The following PLEKHG1 variants were observed in gnomAD, a reference collection of about 807,000 sequenced individuals.
PLEKHG1 encodes the protein pleckstrin homology and RhoGEF domain containing G1.
Under a neutral mutation model 100.8 loss-of-function variants are expected in PLEKHG1, and 44 were observed. That is an observed-to-expected ratio of 0.44 (90% CI 0.34 to 0.56). The LOEUF (loss-of-function observed/expected upper bound fraction) is 0.56. Among genes scored for constraint, PLEKHG1 ranks in the 20% least tolerant of loss-of-function variants. The pLI, the probability that PLEKHG1 is intolerant of heterozygous loss-of-function variation, is 0.01. For missense variants in PLEKHG1, 1,545 were observed against 1,720.9 expected (o/e 0.90, Z 1.81); for synonymous variants, 640 against 662.5 (o/e 0.97, Z 0.52).
chr6:150,627,709 T>G (rs1300575267), intron 1 of PLEKHG1, among the ~76,000 whole-genome samples: 1 of 152,162 alleles, frequency 6.6e-6, no homozygotes, highest in African/African-American at 2.4e-5. Flanking sequence ...GGATCACAAG[T>G]ATAATAAAAC....
chr6:150,835,556 C>T (rs1777180932), intron 15 of PLEKHG1, among the ~76,000 whole-genome samples: 1 of 152,144 alleles, frequency 6.6e-6, no homozygotes, highest in Non-Finnish European at 1.5e-5. Context: ...TTGCGATTGT[C>T]ATGTAGTCAT....
rs59262689 is a variant in PLEKHG1, at chr6:150,730,901, C to CAAAA, written c.-98-2673_-98-2670dup. 4.2e-3 allele frequency among the ~76,000 whole-genome samples: 582 copies of CAAAA among 138,334 alleles called. 8 individuals are homozygous for CAAAA. The highest frequency in any genetic ancestry group is 0.014 in the African/African-American group (544 of 37,882). 90.8% of individuals were successfully genotyped at this position (138,334 alleles called of 152,430 possible). ...TGGGTGACAAGAGCAAACTCTGTCT[C>CAAAA]AAAAAAAAAAAAAGAACATATTCAA... On this transcript the variant is annotated intron_variant, in intron 1 of 15. Transcript: ENST00000358517.
intron 2 of PLEKHG1, among the ~76,000 whole-genome samples, chr6:150,648,092 A>G (rs1381444305): frequency 1.3e-5 from 2 of 152,130 alleles, no homozygotes; most frequent in South Asian, 2.1e-4. Context: ...TTTTCTGAAT[A>G]TGATCTATTT....
At chr6:150,804,047 A>G (rs1374096744) in intron 6 of PLEKHG1, among the ~76,000 whole-genome samples, 1 of 145,220 alleles carries the variant, frequency 6.9e-6, no homozygotes, top group Non-Finnish European at 1.5e-5. Context: ...ATCCTATTCC[A>G]CTTTTATCTT....
chr6:150,669,524 G>A (rs760035626), intron 3 of PLEKHG1, among the ~76,000 whole-genome samples: 8 of 151,610 alleles, frequency 5.3e-5, no homozygotes, highest in Non-Finnish European at 1.2e-4. Flanking sequence ...TACCTTACTC[G>A]ATGTCAAAGT....
At chr6:150,674,064 T>C (rs1157984330) in intron 3 of PLEKHG1, among the ~76,000 whole-genome samples, 1 of 152,116 alleles carries the variant, frequency 6.6e-6, no homozygotes, top group Non-Finnish European at 1.5e-5. Context: ...GAGGAATTTA[T>C]TTAAGGAAAA....
At chr6:150,740,577 A>T (rs1196696735) in intron 2 of PLEKHG1, among the ~76,000 whole-genome samples, 1 of 152,240 alleles carries the variant, frequency 6.6e-6, no homozygotes, top group Non-Finnish European at 1.5e-5. Context: ...TTTTTTAAAT[A>T]CCGAGGGAGA....
Position 150,831,614 on chromosome 6 carries a change from G to C in PLEKHG1, c.2503G>C (p.Val835Leu), listed in dbSNP as rs560632162. 2.5e-6 allele frequency: 4 copies of C among 1,614,064 alleles called. No homozygotes were observed. The highest frequency in any genetic ancestry group is 3.4e-6 in the Non-Finnish European group (4 of 1,179,998). The change falls in exon 15 of 16, where the codon GTA (valine) becomes CTA (leucine). Residue 835 changes from valine to leucine, a missense_variant. Physicochemically the swap from Val to Leu is conservative, Grantham distance 32. Transcript: ENST00000358517. This position sits in a 1 kb window ranked among gnomAD's most constrained non-coding sequence, Gnocchi z 4.1. Reference sequence around the variant, plus strand: ...TGTATCTGATAAACTGTCCGAAGAAGTAGATGAAATCTGGAATGACCTGGA... The same window carrying C: ...TGTATCTGATAAACTGTCCGAAGAACTAGATGAAATCTGGAATGACCTGGA...
chr6:150,631,579 C>G (rs1417922480), intron 1 of PLEKHG1, among the ~76,000 whole-genome samples: 1 of 152,238 alleles, frequency 6.6e-6, no homozygotes, highest in African/African-American at 2.4e-5. Context: ...CTGAACAACA[C>G]TGTGCAGTTC....
At chr6:150,839,839 G>C (rs147602424) in exon 16 of PLEKHG1, 25 of 1,599,428 alleles carry the variant, frequency 1.6e-5, no homozygotes, top group Non-Finnish European at 2.1e-5. Flanking sequence ...CCAGGTGCCA[G>C]GATTGCTGAG....
chr6:150,811,678 C>T lies in PLEKHG1; in HGVS notation c.1278+1944C>T, dbSNP rs553335269. Among the ~76,000 whole-genome samples, 7 of 148,836 alleles carry T rather than the reference C, an allele frequency of 4.7e-5. No homozygotes were observed. In the South Asian group the frequency reaches 1.1e-3, roughly 23 times the overall value. ...GAGAATGTATGCGCTGTGTTCAGGG[C>T]GCACAGACGGTGCCAGGATGGGAGG... is the stretch of plus-strand genomic sequence containing the variant. On this transcript the variant is annotated intron_variant, in intron 10 of 15. Coordinates refer to ENST00000358517, the Ensembl canonical transcript of PLEKHG1.
chr6:150,733,948 G>C lies in PLEKHG1; in HGVS notation c.267G>C (p.Ala89=), dbSNP rs148388247. Residue 89 remains alanine, a synonymous_variant, in exon 2 of 16, where the codon GCG becomes GCC. Coordinates refer to ENST00000358517, the Ensembl canonical transcript of PLEKHG1. ...AGGGCAGCGAAAGGCCACCCAGAGC[G>C]CAGTGGAGAGTGGACTCAAACGGGG... is the stretch of plus-strand genomic sequence containing the variant. 3.0e-3 allele frequency: 4,784 copies of C among 1,614,202 alleles called. 9 individuals are homozygous for C. The highest frequency in any genetic ancestry group is 3.8e-3 in the Non-Finnish European group (4,452 of 1,180,036).
At chr6:150,841,542 T>TC (rs1777532707) in exon 16 of PLEKHG1, 1 of 153,020 alleles carries the variant, frequency 6.5e-6, no homozygotes, top group Non-Finnish European at 1.5e-5. Context: ...TTACCTGTAT[T>TC]CCTGGACAAG....
At chr6:150,706,392 T>C (rs1388492119) in intron 3 of PLEKHG1, among the ~76,000 whole-genome samples, 1 of 151,814 alleles carries the variant, frequency 6.6e-6, no homozygotes, top group African/African-American at 2.4e-5. Flanking sequence ...GGTGGGAGGA[T>C]CACTTGAGCC....
chr6:150,635,095 G>A (rs1189679431), intron 1 of PLEKHG1, among the ~76,000 whole-genome samples: 1 of 152,160 alleles, frequency 6.6e-6, no homozygotes, highest in African/African-American at 2.4e-5. Context: ...GACAGATATG[G>A]TTCCTACCCT....
intron 3 of PLEKHG1, among the ~76,000 whole-genome samples, chr6:150,699,154 C>T (rs1367468200): frequency 6.6e-6 from 1 of 152,094 alleles, no homozygotes; most frequent in African/African-American, 2.4e-5. Context: ...ATGTTATTGT[C>T]GGGGGAAACT....
chr6:150,600,041 GC>G lies in PLEKHG1; in HGVS notation c.-204+27del. 1 of 216,948 alleles carries G rather than the reference GC, an allele frequency of 4.6e-6. No homozygotes were observed. Among genetic ancestry groups the G allele is most frequent in the Non-Finnish European group, 9.9e-6 (1 of 101,326 alleles). The allele number at this position is 216,948 out of a possible 1,614,324, so 13.4% of individuals were successfully genotyped here. Reference sequence around the variant, plus strand: ...GGGTAAGCGCCGGTCGGGCCCGGACGCCCTGGGGACTTTTCCAGGGATGGGA... The same window carrying G: ...GGGTAAGCGCCGGTCGGGCCCGGACGCCTGGGGACTTTTCCAGGGATGGGA... On this transcript the variant is annotated intron_variant, in intron 1 of 3. Coordinates refer to the PLEKHG1 transcript ENST00000367326. This position sits in a 1 kb window ranked among gnomAD's most constrained non-coding sequence, Gnocchi z 6.2.
intron 3 of PLEKHG1, among the ~76,000 whole-genome samples, chr6:150,713,945 T>C (rs1781331235): frequency 6.6e-6 from 1 of 152,274 alleles, no homozygotes; most frequent in Non-Finnish European, 1.5e-5. Flanking sequence ...TCTGAAACTA[T>C]AAGAGAATCT....
At chr6:150,745,769 A>C (rs1783129201) in intron 2 of PLEKHG1, among the ~76,000 whole-genome samples, 1 of 152,118 alleles carries the variant, frequency 6.6e-6, no homozygotes, top group Non-Finnish European at 1.5e-5. Flanking sequence ...CACATATAGA[A>C]AAAAAGTCAA....
Sources: gnomAD v4.1 joint callset for allele counts (sites outside exome capture counted in the v4.1 genomes callset) on GRCh38, gnomAD v4.1.1 for gene constraint, Gnocchi (gnomAD v3.1) non-coding constraint, MANE v1.5 for transcripts, NCBI Gene and HGNC (gene_info 2026-07-23, HGNC 2026-07-21) for gene names.